Variants in PRDM12 observed in about 807,000 individuals in gnomAD.
PRDM12 encodes the protein PR domain zinc finger protein 12.
A neutral mutation model predicts 29.6 loss-of-function variants in PRDM12; 17 were observed. That is an observed-to-expected ratio of 0.57 (90% CI 0.39 to 0.86). The LOEUF (loss-of-function observed/expected upper bound fraction) is 0.86, where lower values mean the gene tolerates loss of function less well. Among genes scored for constraint, PRDM12 ranks in the 40% least tolerant of loss-of-function variants. PRDM12 has a pLI of 0.00. For missense variants in PRDM12, 422 were observed against 510.8 expected (o/e 0.83, Z 1.68); for synonymous variants, 231 against 225.8 (o/e 1.02, Z -0.21).
rs1338654392 is a variant in PRDM12 at position 130,680,632 on chromosome 9, AAAATAT to A, written c.683-614_683-609del. Among the ~76,000 whole-genome samples the A allele has an allele frequency of 2.8e-4, 22 of 77,338 alleles. No individual in the cohort carries two copies. The East Asian group carries it at 0.011, about 38-fold the overall frequency. The allele number at this position is 77,338 out of a possible 152,430, so 50.7% of individuals were successfully genotyped here. ...AGAGGGAGACTCCGTCTAAAAAAAA[AAAATAT>A]ATATATATATATATATATATATTTT... On this transcript the variant is annotated intron_variant, in intron 4 of 4. Transcript: ENST00000253008.
intron 3 of PRDM12, among the ~76,000 whole-genome samples, chr9:130,674,512 G>C (rs1164641349): frequency 6.6e-6 from 1 of 151,626 alleles, no homozygotes; most frequent in African/African-American, 2.4e-5. Flanking sequence ...GTGTGTGTGT[G>C]TGTGTGTGTG....
chr9:130,675,908 G>A (rs1263860986), intron 3 of PRDM12, among the ~76,000 whole-genome samples: 1 of 152,172 alleles, frequency 6.6e-6, no homozygotes, highest in Non-Finnish European at 1.5e-5. Flanking sequence ...GACAATGTTG[G>A]AGGTGACTTA....
chr9:130,669,433 G>C (rs1362812858), intron 3 of PRDM12, among the ~76,000 whole-genome samples: 1 of 152,074 alleles, frequency 6.6e-6, no homozygotes, highest in Non-Finnish European at 1.5e-5. Context: ...TGAGGCATGA[G>C]AATTGCTTGA....
intron 1 of PRDM12, among the ~76,000 whole-genome samples, chr9:130,665,492 T>G (rs1286460538): frequency 6.6e-6 from 1 of 152,140 alleles, no homozygotes; most frequent in Non-Finnish European, 1.5e-5. Flanking sequence ...TTTCCCCCTT[T>G]ACGATTTCTG....
At position 130,664,788 on chromosome 9, in the gene PRDM12, C is replaced by T. The variant is rs1215615868; in HGVS notation, c.135C>T (p.Leu45=). 2 of 1,598,236 alleles carry T rather than the reference C, an allele frequency of 1.3e-6. No homozygotes were observed. The highest frequency in any genetic ancestry group is 3.5e-5 in the Admixed American group (2 of 57,932). ...SFLYGRWRNV[L]GEQLFEDKSH... ...TGTACGGCCGCTGGCGCAACGTGCTCGGGGAGCAGCTCTTCGAGGACAAGA... is the reference window on the plus strand; with the variant it reads ...TGTACGGCCGCTGGCGCAACGTGCTTGGGGAGCAGCTCTTCGAGGACAAGA... The change falls in exon 1 of 5, where the codon CTC becomes CTT. Residue 45 remains leucine, a synonymous_variant. Transcript: ENST00000253008. This position sits in a 1 kb window ranked among gnomAD's most constrained non-coding sequence, Gnocchi z 6.4.
At chr9:130,678,794 C>T (rs1288899236) in intron 4 of PRDM12, among the ~76,000 whole-genome samples, 154 bp downstream of exon 4, 2 of 152,030 alleles carry the variant, frequency 1.3e-5, no homozygotes, top group Admixed American at 1.3e-4. Context: ...CATACAGGTC[C>T]AAGGAGGCTG....
chr9:130,681,413 C>A lies in PRDM12; in HGVS notation c.848C>A (p.Ser283Ter). ...TTCTGCAACCGCCGCTTCAGCCAGT[C>A]GTCCACGCTGCGCAACCACGTGCGC... The part of the protein sequence containing the change: ...CRFCNRRFSQ[S>*]STLRNHVRLH... The change falls in exon 5 of 5, where the codon TCG becomes TAG. Residue 283 changes from serine (S) to a stop codon, truncating the protein, a stop_gained. Transcript: ENST00000253008. LOFTEE classifies it high-confidence loss of function. This position sits in a 1 kb window ranked among gnomAD's most constrained non-coding sequence, Gnocchi z 8.1. 6.2e-7 allele frequency: 1 copy of A among 1,600,516 alleles called. No homozygotes were observed. The highest frequency in any genetic ancestry group is 8.5e-7 in the Non-Finnish European group (1 of 1,176,294).
At position 130,682,542 on chromosome 9, in the gene PRDM12, A is replaced by T. The variant is rs1321648485; in HGVS notation, c.*873A>T. ...ACCCCCAGCCCCTTCCAACACACAC[A>T]CTCCAGCGAGAGGAGGGCAAGACTG... On this transcript the variant is annotated 3_prime_UTR_variant, in exon 5 of 5. Transcript: ENST00000253008. The surrounding 1 kb of genome is among the most constrained non-coding windows in gnomAD (Gnocchi z 4.2). The T allele has an allele frequency of 2.0e-5, 3 of 151,742 alleles. No individual in the cohort carries two copies. Among genetic ancestry groups the T allele is most frequent in the Non-Finnish European group, 4.4e-5 (3 of 68,012 alleles). The allele number at this position is 151,742 out of a possible 1,614,324, so 9.4% of individuals were successfully genotyped here.
chr9:130,669,093 C>A (rs976966455), intron 3 of PRDM12, among the ~76,000 whole-genome samples: 4 of 152,020 alleles, frequency 2.6e-5, no homozygotes, highest in Admixed American at 2.6e-4. Context: ...AGTGAATTGC[C>A]GAGGCGGGCA....
At position 130,668,443 on chromosome 9, in the gene PRDM12, CGCAG is replaced by C; in HGVS notation, c.570+133_570+136del. On this transcript the variant is annotated intron_variant, in intron 3 of 4. Coordinates refer to ENST00000253008, the MANE Select transcript of PRDM12 (RefSeq NM_021619.3). The surrounding 1 kb of genome is among the most constrained non-coding windows in gnomAD (Gnocchi z 4.0). ...GCTGACACTGGCCTCGCTGGCTCTGCGCAGGCCATGGGGCTGTGGCAGACAGGTG... is the reference window on the plus strand; with the variant it reads ...GCTGACACTGGCCTCGCTGGCTCTGCGCCATGGGGCTGTGGCAGACAGGTG... The C allele has an allele frequency of 7.0e-7, 1 of 1,430,380 alleles. No homozygotes were observed. The highest frequency in any genetic ancestry group is 1.3e-5 in the South Asian group (1 of 76,584). The allele number at this position is 1,430,380 out of a possible 1,614,324, so 88.6% of individuals were successfully genotyped here.
intron 2 of PRDM12, 115 bp downstream of exon 2, chr9:130,666,913 C>T (rs954896027): frequency 1.0e-5 from 14 of 1,369,936 alleles, no homozygotes; most frequent in Non-Finnish European, 1.4e-5. Context: ...GGCGGACACT[C>T]CTGGCCTGGA....
chr9:130,681,603 G>T lies in PRDM12; in HGVS notation c.1038G>T (p.Ala346=). The change falls in exon 5 of 5, where the codon GCG becomes GCT. Residue 346 remains alanine, a synonymous_variant. Transcript: ENST00000253008. The surrounding 1 kb of genome is among the most constrained non-coding windows in gnomAD (Gnocchi z 8.1). ...ALPAPHAHAP[A]LAAAAAAAAA... is the part of the protein sequence containing the mutation. ...CCGCCCCGCACGCGCACGCGCCCGC[G>T]CTCGCCGCCGCCGCCGCCGCCGCCG... 1 of 924,444 alleles carries T rather than the reference G, an allele frequency of 1.1e-6. No homozygotes were observed. The highest frequency in any genetic ancestry group is 1.3e-6 in the Non-Finnish European group (1 of 787,688). 57.3% of individuals were successfully genotyped at this position (924,444 alleles called of 1,614,324 possible). A position where few individuals can be genotyped will look rare whatever the true frequency, so the allele number is the denominator to read the frequency against.
chr9:130,671,374 GACACACACACACACACAC>G lies in PRDM12; in HGVS notation c.570+3088_570+3105del, dbSNP rs56920587. On this transcript the variant is annotated intron_variant, in intron 3 of 4. Transcript: ENST00000253008. Reference sequence around the variant, plus strand: ...AACAACAACAAAAAAAGAGGATCAGGACACACACACACACACACACACACACACACACACACACACACA... The same window carrying G: ...AACAACAACAAAAAAAGAGGATCAGGACACACACACACACACACACACACA... Among the ~76,000 whole-genome samples the G allele has an allele frequency of 2.7e-4, 36 of 135,728 alleles. 1 individual carries two copies. The highest frequency in any genetic ancestry group is 9.6e-4 in the African/African-American group (35 of 36,618). 89.0% of individuals were successfully genotyped at this position (135,728 alleles called of 152,430 possible).
At position 130,681,721 on chromosome 9, in the gene PRDM12, C is replaced by G. The variant is rs184126996; in HGVS notation, c.*52C>G. ...GCGCGCTCCTGGGTCCCCGGCACCCCGGCCCCGCAGCGCGACTCGCCCTCC... is the reference window on the plus strand; with the variant it reads ...GCGCGCTCCTGGGTCCCCGGCACCCGGGCCCCGCAGCGCGACTCGCCCTCC... On this transcript the variant is annotated 3_prime_UTR_variant, in exon 5 of 5. Transcript: ENST00000253008. This position sits in a 1 kb window ranked among gnomAD's most constrained non-coding sequence, Gnocchi z 8.1. 0.03 allele frequency: 28,944 copies of G among 979,866 alleles called. 837 individuals are homozygous for G. The highest frequency in any genetic ancestry group is 0.15 in the African/African-American group (8,448 of 56,826). The allele number at this position is 979,866 out of a possible 1,614,324, so 60.7% of individuals were successfully genotyped here. A position where few individuals can be genotyped will look rare whatever the true frequency, so the allele number is the denominator to read the frequency against.
At chr9:130,666,375 A>G (rs1037486372) in intron 1 of PRDM12, among the ~76,000 whole-genome samples, 3 of 152,182 alleles carry the variant, frequency 2.0e-5, no homozygotes, top group Non-Finnish European at 2.9e-5. Context: ...ATGATCCCCA[A>G]CGCACCACTC....
At position 130,680,630 on chromosome 9, in the gene PRDM12, AAAAAATAT is replaced by A. The variant is rs1159658961; in HGVS notation, c.683-616_683-609del. Among the ~76,000 whole-genome samples, 346 of 70,582 alleles carry A rather than the reference AAAAAATAT, an allele frequency of 4.9e-3. 6 individuals carry two copies. Among genetic ancestry groups the A allele is most frequent in the African/African-American group, 0.024 (331 of 13,566 alleles). 46.3% of individuals were successfully genotyped at this position (70,582 alleles called of 152,430 possible). ...ACAGAGGGAGACTCCGTCTAAAAAA[AAAAAATAT>A]ATATATATATATATATATATATTTT... is the stretch of plus-strand genomic sequence containing the variant. On this transcript the variant is annotated intron_variant, in intron 4 of 4. Transcript: ENST00000253008.
intron 1 of PRDM12, 147 bp from the exon 2 acceptor site, chr9:130,666,461 C>T: frequency 4.8e-6 from 5 of 1,031,380 alleles, no homozygotes; most frequent in Non-Finnish European, 6.7e-6. Flanking sequence ...CCGACTTCCT[C>T]CACACCCGGG....
At chr9:130,665,357 G>T (rs1051054945) in intron 1 of PRDM12, among the ~76,000 whole-genome samples, 2 of 152,174 alleles carry the variant, frequency 1.3e-5, no homozygotes, top group African/African-American at 2.4e-5. Context: ...CGGGGAGAGC[G>T]AGGGAGAGAA....
At chr9:130,680,659 A>ATATATATATATATTTT in intron 4 of PRDM12, among the ~76,000 whole-genome samples, 12 of 72,154 alleles carry the variant, frequency 1.7e-4, no homozygotes, top group East Asian at 1.3e-3. Flanking sequence ...ATATATATAT[A>ATATATATATATATTTT]TTTTTTTTTT....
Sources: gnomAD v4.1 joint callset for allele counts (sites outside exome capture counted in the v4.1 genomes callset) on GRCh38, gnomAD v4.1.1 for gene constraint, Gnocchi (gnomAD v3.1) non-coding constraint, MANE v1.5 for transcripts, NCBI Gene and HGNC (gene_info 2026-07-23, HGNC 2026-07-21) for gene names.